SPATA17: variants seen among roughly 807,000 people sequenced by gnomAD.
The protein encoded by SPATA17 is spermatogenesis associated 17.
A neutral mutation model predicts 62.2 loss-of-function variants in SPATA17; 53 were observed. The ratio of observed to expected loss-of-function variants is 0.85; its 90% CI spans 0.68 to 1.07. The LOEUF (loss-of-function observed/expected upper bound fraction) is 1.07, where lower values mean the gene tolerates loss of function less well. Ranked by LOEUF, SPATA17 falls within the 50% of genes least tolerant of loss-of-function variation. SPATA17 has a pLI of 0.00. For synonymous variants in SPATA17, 146 were observed against 146.8 expected (o/e 0.99, Z 0.04); for missense variants, 466 against 425.5 (o/e 1.10, Z -0.84).
At chr1:217,784,921 A>G (rs1673822322) in intron 8 of SPATA17, 1 of 152,166 alleles carries the variant, frequency 6.6e-6, no homozygotes, top group Non-Finnish European at 1.5e-5. Flanking sequence ...CTGCCATAGC[A>G]AAGTACCACA....
At position 217,790,879 on chromosome 1, in the gene SPATA17, T is replaced by A. The variant is rs533906622; in HGVS notation, c.872+8557T>A. On this transcript the variant is annotated intron_variant, in intron 8 of 10. Coordinates refer to ENST00000366933, the MANE Select transcript of SPATA17 (RefSeq NM_138796.4). Reference sequence around the variant, plus strand: ...CATTTTACAATGTGGCATACACGGGTAAGCACTGGTTCTATTTATCATTAA... The same window carrying A: ...CATTTTACAATGTGGCATACACGGGAAAGCACTGGTTCTATTTATCATTAA... Among the ~76,000 whole-genome samples the A allele has an allele frequency of 3.2e-4, 49 of 152,298 alleles. 1 individual carries two copies. In the South Asian group the frequency reaches 6.8e-3, roughly 21 times the overall value.
At chr1:217,644,614 G>A (rs531266288) in intron 1 of SPATA17, among the ~76,000 whole-genome samples, 17 of 151,832 alleles carry the variant, frequency 1.1e-4, no homozygotes, top group Non-Finnish European at 2.1e-4. Context: ...GCATATTACT[G>A]GAAAGATATT....
At chr1:217,671,621 C>T (rs1381006823) in intron 4 of SPATA17, among the ~76,000 whole-genome samples, 3 of 152,108 alleles carry the variant, frequency 2.0e-5, no homozygotes, top group Non-Finnish European at 4.4e-5. Flanking sequence ...TTCTCCCCTC[C>T]CTGCCTCTCC....
At chr1:217,843,938 A>G (rs985282389) in intron 9 of SPATA17, among the ~76,000 whole-genome samples, 11 of 152,162 alleles carry the variant, frequency 7.2e-5, no homozygotes, top group African/African-American at 1.2e-4. Flanking sequence ...AAAATGGAAT[A>G]TAAGTAAAAA....
At chr1:217,829,350 G>T (rs891387944) in intron 9 of SPATA17, among the ~76,000 whole-genome samples, 3 of 151,872 alleles carry the variant, frequency 2.0e-5, no homozygotes, top group African/African-American at 7.3e-5. Context: ...GCATTCGGTC[G>T]GGCATGGTGG....
At chr1:217,797,810 G>A (rs1488757499) in intron 8 of SPATA17, among the ~76,000 whole-genome samples, 2 of 151,962 alleles carry the variant, frequency 1.3e-5, no homozygotes, top group African/African-American at 2.4e-5. Flanking sequence ...CGTCTGGAGT[G>A]GAATTTTTCT....
chr1:217,782,174 G>C lies in SPATA17; in HGVS notation c.724G>C (p.Gly242Arg). Residue 242 changes from glycine (G) to arginine (R), a missense_variant and splice_region_variant, in exon 8 of 11, where the codon GGG (glycine) becomes CGG (arginine). By Grantham distance (125) the Gly-to-Arg change is moderately radical. Coordinates refer to ENST00000366933, the MANE Select transcript of SPATA17 (RefSeq NM_138796.4). Reference sequence around the variant, plus strand: ...TATGTTCCTCATCCTGTCTTGTCAGGGGCCCTTCCGAGATATCACCGAAGT... The same window carrying C: ...TATGTTCCTCATCCTGTCTTGTCAGCGGCCCTTCCGAGATATCACCGAAGT... ...LPPINRKQCQ[G>R]PFRDITEVLE... is the part of the protein sequence containing the mutation. 1 of 1,585,248 alleles carries C rather than the reference G, an allele frequency of 6.3e-7. No homozygotes were observed. Among genetic ancestry groups the C allele is most frequent in the South Asian group, 1.2e-5 (1 of 85,960 alleles).
intron 4 of SPATA17, among the ~76,000 whole-genome samples, chr1:217,679,343 C>G (rs927165321): frequency 1.3e-5 from 2 of 152,106 alleles, no homozygotes; most frequent in African/African-American, 4.8e-5. Context: ...TACTTAACCT[C>G]AGTTTCTTCA....
intron 8 of SPATA17, among the ~76,000 whole-genome samples, chr1:217,796,760 A>G (rs1186163051): frequency 3.3e-5 from 5 of 152,170 alleles, no homozygotes; most frequent in Non-Finnish European, 7.4e-5. Context: ...CCACTAATCT[A>G]TGTTTTGAAA....
chr1:217,834,994 C>T (rs1399523449), intron 9 of SPATA17, among the ~76,000 whole-genome samples: 8 of 152,050 alleles, frequency 5.3e-5, no homozygotes, highest in Admixed American at 2.0e-4. Flanking sequence ...CTACAGTATT[C>T]GGTACAGGAA....
chr1:217,673,749 A>T (rs971733387), intron 4 of SPATA17, among the ~76,000 whole-genome samples: 3 of 152,122 alleles, frequency 2.0e-5, no homozygotes, highest in Non-Finnish European at 4.4e-5. Context: ...GGGCTTAGAG[A>T]GTCCGGTTCC....
At chr1:217,856,330 G>A (rs1268830003) in intron 9 of SPATA17, among the ~76,000 whole-genome samples, 3 of 152,108 alleles carry the variant, frequency 2.0e-5, no homozygotes, top group African/African-American at 4.8e-5. Flanking sequence ...ATACTTTCAG[G>A]TTATTTTATC....
chr1:217,766,782 G>T (rs1477448333), intron 6 of SPATA17, among the ~76,000 whole-genome samples: 1 of 149,424 alleles, frequency 6.7e-6, no homozygotes, highest in African/African-American at 2.5e-5. Context: ...GGGCACACAT[G>T]CAGGTTTGTT....
At chr1:217,632,376 GT>G in intron 1 of SPATA17, among the ~76,000 whole-genome samples, 1 of 152,222 alleles carries the variant, frequency 6.6e-6, no homozygotes, top group Non-Finnish European at 1.5e-5. Context: ...TGCCCCAGGA[GT>G]TTTTGTAACT....
intron 5 of SPATA17, among the ~76,000 whole-genome samples, chr1:217,710,234 C>T (rs769120767): frequency 4.6e-5 from 7 of 152,072 alleles, no homozygotes; most frequent in Non-Finnish European, 8.8e-5. Context: ...GCTGAGTTTG[C>T]GCTTGGTAGA....
chr1:217,821,335 A>T (rs569196341), intron 9 of SPATA17, among the ~76,000 whole-genome samples: 2 of 152,120 alleles, frequency 1.3e-5, no homozygotes, highest in Non-Finnish European at 2.9e-5. Context: ...CCGAAGTGGG[A>T]TGAGCCTGTA....
rs115908916 is a variant in SPATA17 at position 217,826,675 on chromosome 1, G to T, written c.1005+24825G>T. On this transcript the variant is annotated intron_variant, in intron 9 of 10. Transcript: ENST00000366933. ...TCTAAATATGATATTTTACCAATTA[G>T]AGAAAGATTTATCTTTTCAACCCAA... Among the ~76,000 whole-genome samples, 234 of 152,054 alleles carry T rather than the reference G, an allele frequency of 1.5e-3. 3 individuals carry two copies. Among genetic ancestry groups the T allele is most frequent in the African/African-American group, 5.3e-3 (221 of 41,496 alleles).
intron 8 of SPATA17, among the ~76,000 whole-genome samples, chr1:217,792,737 G>A (rs958913902): frequency 6.6e-5 from 10 of 152,090 alleles, no homozygotes; most frequent in East Asian, 1.9e-4. Context: ...AATAGACCAC[G>A]ACTGTGGTCT....
chr1:217,849,143 C>G (rs533849184), intron 9 of SPATA17, among the ~76,000 whole-genome samples: 1 of 152,246 alleles, frequency 6.6e-6, no homozygotes, highest in South Asian at 2.1e-4. Context: ...TTACTTATCT[C>G]TCCATCTTTT....
Sources: allele counts gnomAD v4.1 joint callset (sites outside exome capture counted in the v4.1 genomes callset), GRCh38; gene constraint gnomAD v4.1.1; transcripts MANE v1.5; gene names NCBI Gene and HGNC (gene_info 2026-07-23, HGNC 2026-07-21).